The following PRKG1 variants were observed in gnomAD, a reference collection of about 807,000 sequenced individuals.
PRKG1 encodes the protein cGMP-dependent protein kinase 1.
Under a neutral mutation model 88.1 loss-of-function variants are expected in PRKG1, and 35 were observed. The ratio of observed to expected loss-of-function variants is 0.40; its 90% CI spans 0.30 to 0.53. PRKG1 has a LOEUF of 0.53. PRKG1 is among the 20% of genes least tolerant of loss of function. The pLI, the probability that PRKG1 is intolerant of heterozygous loss-of-function variation, is 0.59. For synonymous variants in PRKG1, 303 were observed against 292.5 expected (o/e 1.04, Z -0.37); for missense variants, 540 against 839.8 (o/e 0.64, Z 4.41).
At chr10:52,178,502 T>G (rs886124994) in intron 9 of PRKG1, among the ~76,000 whole-genome samples, 1 of 152,130 alleles carries the variant, frequency 6.6e-6, no homozygotes, top group Admixed American at 6.6e-5. Flanking sequence ...GTAATATCTG[T>G]TAGGTTCATT....
At chr10:51,757,275 T>C (rs1429835257) in intron 3 of PRKG1, among the ~76,000 whole-genome samples, 1 of 152,036 alleles carries the variant, frequency 6.6e-6, no homozygotes, top group Non-Finnish European at 1.5e-5. Flanking sequence ...CTAATTTTTT[T>C]GTATTTTTAG....
At chr10:52,148,983 T>A (rs58203522) in intron 8 of PRKG1, among the ~76,000 whole-genome samples, 21,715 of 104,502 alleles carry the variant, frequency 0.21, 1,893 homozygotes, top group Middle Eastern at 0.29. Context: ...TTTTTTTTTT[T>A]AGGTTTGGAA....
intron 2 of PRKG1, among the ~76,000 whole-genome samples, chr10:51,426,122 C>A (rs1352739363): frequency 6.6e-6 from 1 of 151,992 alleles, no homozygotes; most frequent in Non-Finnish European, 1.5e-5. Context: ...TTAAAAAGTA[C>A]AAAAATTAGC....
chr10:51,599,199 C>T (rs1367761408), intron 3 of PRKG1, among the ~76,000 whole-genome samples: 1 of 152,072 alleles, frequency 6.6e-6, no homozygotes, highest in African/African-American at 2.4e-5. Flanking sequence ...ACCCTCTTCT[C>T]CCCCAGGAAA....
intron 2 of PRKG1, among the ~76,000 whole-genome samples, chr10:51,406,789 C>T (rs1837932049): frequency 6.6e-6 from 1 of 151,984 alleles, no homozygotes; most frequent in African/African-American, 2.4e-5. Context: ...TCATGTAACC[C>T]TGTATTAGTC....
chr10:51,290,851 CCT>C (rs770326539), intron 2 of PRKG1, among the ~76,000 whole-genome samples: 69 of 152,112 alleles, frequency 4.5e-4, no homozygotes, highest in Non-Finnish European at 7.5e-4. Context: ...TGAACAAGTC[CCT>C]GTGTTCTCTT....
At chr10:51,698,279 T>C in intron 3 of PRKG1, 1 of 1,614,084 alleles carries the variant, frequency 6.2e-7, no homozygotes, top group Non-Finnish European at 8.5e-7. Flanking sequence ...GACCTCAGTT[T>C]CCATGGCACG....
intron 3 of PRKG1, among the ~76,000 whole-genome samples, chr10:51,803,788 A>T (rs1033477342): frequency 4.8e-4 from 73 of 152,274 alleles, no homozygotes; most frequent in African/African-American, 1.6e-3. Context: ...ATATAAAAGT[A>T]AAGAGAATAA....
chr10:51,885,245 A>G (rs1373841855), intron 4 of PRKG1, among the ~76,000 whole-genome samples: 1 of 152,248 alleles, frequency 6.6e-6, no homozygotes, highest in African/African-American at 2.4e-5. Context: ...TACCAGGCAC[A>G]TAACCACTCA....
intron 9 of PRKG1, among the ~76,000 whole-genome samples, chr10:52,215,696 G>T (rs1035085007): frequency 1.3e-5 from 2 of 152,078 alleles, no homozygotes; most frequent in Non-Finnish European, 2.9e-5. Flanking sequence ...TATGAAAGGT[G>T]AAAGGAATGA....
intron 4 of PRKG1, among the ~76,000 whole-genome samples, chr10:51,899,377 A>G (rs1212849492): frequency 6.6e-6 from 1 of 152,004 alleles, no homozygotes; most frequent in African/African-American, 2.4e-5. Context: ...AAAAAAAAAT[A>G]AAATAGAAAG....
At chr10:51,397,892 CACTT>C (rs1266419413) in intron 2 of PRKG1, among the ~76,000 whole-genome samples, 1 of 152,184 alleles carries the variant, frequency 6.6e-6, no homozygotes, top group African/African-American at 2.4e-5. Flanking sequence ...CAGAATGTGT[CACTT>C]ACTTAGACTC....
At chr10:51,152,398 A>G (rs1846094874) in intron 1 of PRKG1, among the ~76,000 whole-genome samples, 2 of 152,106 alleles carry the variant, frequency 1.3e-5, no homozygotes, top group Non-Finnish European at 1.5e-5. Context: ...AGCATGGGAC[A>G]TGTGTAAAGA....
At chr10:51,131,492 A>G (rs1280978811) in intron 1 of PRKG1, among the ~76,000 whole-genome samples, 1 of 152,166 alleles carries the variant, frequency 6.6e-6, no homozygotes, top group Non-Finnish European at 1.5e-5. Context: ...CATGCCTGTA[A>G]TCCCTGCACT....
At chr10:51,701,813 T>C (rs1272661347) in intron 3 of PRKG1, among the ~76,000 whole-genome samples, 3 of 151,246 alleles carry the variant, frequency 2.0e-5, no homozygotes, top group East Asian at 3.9e-4. Flanking sequence ...CTTGACAGAG[T>C]TTCTTTACTG....
chr10:51,059,213 C>T (rs1843667790), intron 1 of PRKG1, among the ~76,000 whole-genome samples: 1 of 151,968 alleles, frequency 6.6e-6, no homozygotes, highest in African/African-American at 2.4e-5. Context: ...GGTCAGACCT[C>T]AATTATAATG....
At chr10:51,440,940 A>C (rs527453878) in intron 2 of PRKG1, among the ~76,000 whole-genome samples, 3 of 152,152 alleles carry the variant, frequency 2.0e-5, no homozygotes, top group Admixed American at 2.0e-4. Context: ...AAGCCTATAA[A>C]ATCAGGAAAA....
intron 2 of PRKG1, among the ~76,000 whole-genome samples, chr10:51,352,259 AT>A (rs35387341): frequency 0.29 from 43,113 of 149,880 alleles, 6,790 homozygotes; most frequent in South Asian, 0.42. Flanking sequence ...AATTTAAAGA[AT>A]TTTTTTTTTT....
chr10:51,716,084 A>G (rs1180046157), intron 3 of PRKG1, among the ~76,000 whole-genome samples: 1 of 152,120 alleles, frequency 6.6e-6, no homozygotes, highest in African/African-American at 2.4e-5. Context: ...ATGGTCCCTT[A>G]TTACCCCTTC....
Sources: allele counts gnomAD v4.1 joint callset (sites outside exome capture counted in the v4.1 genomes callset), GRCh38; gene constraint gnomAD v4.1.1; transcripts MANE v1.5; gene names NCBI Gene and HGNC (gene_info 2026-07-23, HGNC 2026-07-21).